THOC1: variants seen among roughly 807,000 people sequenced by gnomAD.
The protein encoded by THOC1 is THO complex subunit 1.
In THOC1, 29 loss-of-function variants were observed where a neutral mutation model predicts 97.3. The observed-to-expected ratio is 0.30, with a 90% CI of 0.22 to 0.41. The LOEUF is 0.41. Among genes scored for constraint, THOC1 ranks in the 10% least tolerant of loss-of-function variants. THOC1 has a pLI of 1.00. For missense variants in THOC1, 529 were observed against 761.9 expected (o/e 0.69, Z 3.60); for synonymous variants, 255 against 257.0 (o/e 0.99, Z 0.07).
intron 6 of THOC1, 48 bp from the exon 7 acceptor site, chr18:259,323 T>C: frequency 1.4e-6 from 2 of 1,461,380 alleles, no homozygotes; most frequent in Non-Finnish European, 1.9e-6. Flanking sequence ...TAATTCTATG[T>C]TTATTACAAC....
At chr18:249,371 T>C (rs1298299796) in intron 9 of THOC1, among the ~76,000 whole-genome samples, 1 of 152,006 alleles carries the variant, frequency 6.6e-6, no homozygotes, top group Non-Finnish European at 1.5e-5. Flanking sequence ...ATTGGGTTTT[T>C]AAAAAAAGCC....
Position 250,018 on chromosome 18 carries a change from C to T in THOC1, c.678-2061G>A, listed in dbSNP as rs572995228. The stretch of plus-strand genomic sequence containing the variant: ...GCTAAGAACTTCACATCTAATTTAA[C>T]ACTTAATACCAATCACAATATTATT... On this transcript the variant is annotated intron_variant, in intron 9 of 20. Transcript: ENST00000261600. 4.1e-4 allele frequency among the ~76,000 whole-genome samples: 62 copies of T among 152,302 alleles called. No individual in the cohort carries two copies. In the South Asian group the frequency reaches 4.1e-3, roughly 10 times the overall value.
At chr18:236,924 G>A (rs1911722797) in intron 11 of THOC1, among the ~76,000 whole-genome samples, 1 of 151,770 alleles carries the variant, frequency 6.6e-6, no homozygotes, top group African/African-American at 2.4e-5. Context: ...TAATTTTCCT[G>A]TGACTGTTAG....
intron 15 of THOC1, 69 bp from the exon 16 acceptor site, chr18:224,248 C>T (rs777385447): frequency 1.7e-5 from 20 of 1,198,530 alleles, no homozygotes; most frequent in Middle Eastern, 1.9e-4. Context: ...GAATGTTTAA[C>T]GTAAAAGAAA....
At chr18:255,568 G>GA (rs941027227) in intron 7 of THOC1, among the ~76,000 whole-genome samples, 3 of 152,136 alleles carry the variant, frequency 2.0e-5, no homozygotes, top group Non-Finnish European at 2.9e-5. Context: ...GAGGTTTAAA[G>GA]AAAAAAGCCC....
At chr18:222,964 C>T (rs994414721) in intron 17 of THOC1, among the ~76,000 whole-genome samples, 27 of 152,052 alleles carry the variant, frequency 1.8e-4, no homozygotes, top group Non-Finnish European at 3.7e-4. Flanking sequence ...TGCTGGACCT[C>T]CTCAACTATC....
At chr18:241,038 T>C (rs946005602) in intron 11 of THOC1, among the ~76,000 whole-genome samples, 8 of 152,142 alleles carry the variant, frequency 5.3e-5, no homozygotes, top group Non-Finnish European at 7.4e-5. Flanking sequence ...CAGGTGGTAA[T>C]ATGAGTGATG....
At position 252,526 on chromosome 18, in the gene THOC1, T is replaced by C; in HGVS notation, c.677+13A>G. 5.0e-6 allele frequency: 8 copies of C among 1,604,666 alleles called. No individual in the cohort carries two copies. Among genetic ancestry groups the C allele is most frequent in the Non-Finnish European group, 6.8e-6 (8 of 1,171,784 alleles). The stretch of plus-strand genomic sequence containing the variant: ...TCTCTGTAAATCAAAAAGCTTAGGC[T>C]CTGAAAACTCACCACGTTGTTGGAG... On this transcript the variant is annotated intron_variant, in intron 9 of 20. Coordinates refer to ENST00000261600, the MANE Select transcript of THOC1 (RefSeq NM_005131.3).
intron 10 of THOC1, among the ~76,000 whole-genome samples, chr18:247,234 ACTAC>A (rs1437309514): frequency 3.3e-5 from 5 of 152,256 alleles, no homozygotes; most frequent in African/African-American, 1.2e-4. Context: ...TATTCTGAGA[ACTAC>A]CTATTTATCT....
In THOC1 at chr18:254,443, T is replaced by C. The variant is rs1161300461; in HGVS notation, c.521-88A>G. 1.3e-6 allele frequency: 1 copy of C among 791,262 alleles called. No homozygotes were observed. 49.0% of individuals were successfully genotyped at this position (791,262 alleles called of 1,614,324 possible). A position where few individuals can be genotyped will look rare whatever the true frequency, so the allele number is the denominator to read the frequency against. On this transcript the variant is annotated intron_variant, in intron 7 of 20. Transcript: ENST00000261600. The surrounding 1 kb of genome is among the most constrained non-coding windows in gnomAD (Gnocchi z 4.1). ...TTGTGTCATAATCAAAACTACAAAATGCCAAATCCATAAAGAGCAGTCAAA... is the reference window on the plus strand; with the variant it reads ...TTGTGTCATAATCAAAACTACAAAACGCCAAATCCATAAAGAGCAGTCAAA...
chr18:224,221 G>A, intron 15 of THOC1, 42 bp from the exon 16 acceptor site: 2 of 1,335,250 alleles, frequency 1.5e-6, no homozygotes, highest in Non-Finnish European at 2.1e-6. Context: ...AATTACAAAT[G>A]GATAACAGAA....
chr18:264,150 T>G (rs1293300544), intron 3 of THOC1, 58 bp from the exon 4 acceptor site: 2 of 1,182,396 alleles, frequency 1.7e-6, no homozygotes, highest in Admixed American at 2.0e-5. Flanking sequence ...TAAACTCGAT[T>G]AACAGTAAAA....
chr18:248,406 GGAA>G (rs1218676146), intron 9 of THOC1, among the ~76,000 whole-genome samples: 1 of 152,186 alleles, frequency 6.6e-6, no homozygotes. Flanking sequence ...CCAAGATGAT[GGAA>G]GAAGAAGGTA....
rs557210358 is a variant in THOC1, at chr18:260,964, T to C, written c.257-660A>G. The C allele has an allele frequency of 3.3e-5, 5 of 152,256 alleles. No individual in the cohort carries two copies. The South Asian group carries it at 8.3e-4, about 25-fold the overall frequency. The allele number at this position is 152,256 out of a possible 1,614,324, so 9.4% of individuals were successfully genotyped here. On this transcript the variant is annotated intron_variant, in intron 4 of 20. Coordinates refer to ENST00000261600, the MANE Select transcript of THOC1 (RefSeq NM_005131.3). ...CCAGATGAATGGTAGCTTTTAAAAG[T>C]AGAGGAATTAAGAGTACTGTTTTCC... is the stretch of plus-strand genomic sequence containing the variant.
chr18:237,578 T>C (rs1438275077), intron 11 of THOC1, among the ~76,000 whole-genome samples: 1 of 152,036 alleles, frequency 6.6e-6, no homozygotes, highest in African/African-American at 2.4e-5. Context: ...CCAAATGTTT[T>C]GAATATACCC....
At chr18:233,565 CAAGAGTGA>C (rs1277456806) in intron 11 of THOC1, among the ~76,000 whole-genome samples, 1 of 152,216 alleles carries the variant, frequency 6.6e-6, no homozygotes, top group Non-Finnish European at 1.5e-5. Context: ...GCCTGGGCAA[CAAGAGTGA>C]AACTCTGTCT....
intron 7 of THOC1, among the ~76,000 whole-genome samples, chr18:255,560 G>A (rs1912411207): frequency 6.6e-6 from 1 of 152,178 alleles, no homozygotes; most frequent in Non-Finnish European, 1.5e-5. Flanking sequence ...TGGTTTACGA[G>A]GTTTAAAGAA....
At chr18:233,962 T>C (rs1297633790) in intron 11 of THOC1, among the ~76,000 whole-genome samples, 1 of 152,206 alleles carries the variant, frequency 6.6e-6, no homozygotes, top group Non-Finnish European at 1.5e-5. Context: ...ACTGAATCAA[T>C]AAATCTGGGG....
At chr18:265,059 T>G (rs1034129789) in intron 3 of THOC1, 7 of 441,964 alleles carry the variant, frequency 1.6e-5, no homozygotes, top group Non-Finnish European at 2.8e-5. Flanking sequence ...TAAGACCTCA[T>G]GTCAACTTTT....
Sources: gnomAD v4.1 joint callset for allele counts (sites outside exome capture counted in the v4.1 genomes callset) on GRCh38, gnomAD v4.1.1 for gene constraint, Gnocchi (gnomAD v3.1) non-coding constraint, MANE v1.5 for transcripts, NCBI Gene and HGNC (gene_info 2026-07-23, HGNC 2026-07-21) for gene names.